Variants in ANKRD45 observed in about 807,000 individuals in gnomAD.
ANKRD45 encodes ankyrin repeat domain-containing protein 45.
In ANKRD45, 21 loss-of-function variants were observed where a neutral mutation model predicts 28.1. That is an observed-to-expected ratio of 0.75 (90% CI 0.53 to 1.08). The LOEUF (loss-of-function observed/expected upper bound fraction) is 1.08. Among genes scored for constraint, ANKRD45 ranks in the 50% least tolerant of loss-of-function variants. ANKRD45 has a pLI of 0.00. For missense variants in ANKRD45, 261 were observed against 308.7 expected, an observed-to-expected ratio of 0.85 and a Z score of 1.16; for synonymous variants, 86 against 103.9, an observed-to-expected ratio of 0.83 and a Z score of 1.05.
At chr1:173,663,310 A>C (rs1256420712) in intron 1 of ANKRD45, among the ~76,000 whole-genome samples, 1 of 152,136 alleles carries the variant, frequency 6.6e-6, no homozygotes, top group Non-Finnish European at 1.5e-5. Flanking sequence ...GTTGAAGGGC[A>C]CTCATCGCAA....
chr1:173,666,230 C>G (rs536959499), intron 1 of ANKRD45, among the ~76,000 whole-genome samples: 2 of 152,218 alleles, frequency 1.3e-5, no homozygotes, highest in Non-Finnish European at 2.9e-5. Flanking sequence ...TCCTGTTTCT[C>G]AGGCCCTCAG....
In ANKRD45 at chr1:173,646,846, C is replaced by T; in HGVS notation, c.496G>A (p.Asp166Asn). ...TECVEFLDWA[D>N]ARLTLKKYIA... ...GCTAACCCCTTGTGAGCTTCCTTAC[C>T]TGCCCAGTCCAGGAATTCAACACAC... is the stretch of plus-strand genomic sequence containing the variant. The change falls in exon 3 of 6, where the codon GAT (aspartate) becomes AAT (asparagine). Residue 166 changes from aspartate (D) to asparagine (N), a missense_variant and splice_region_variant. Physicochemically the swap from Asp to Asn is conservative, Grantham distance 23. Coordinates refer to ENST00000333279, the MANE Select transcript of ANKRD45 (RefSeq NM_198493.3). 6.2e-7 allele frequency: 1 copy of T among 1,613,502 alleles called. No homozygotes were observed. Among genetic ancestry groups the T allele is most frequent in the Non-Finnish European group, 8.5e-7 (1 of 1,179,554 alleles).
rs780836318 is a variant in ANKRD45, at chr1:173,659,241, T to C, written c.178A>G (p.Asn60Asp). 1.9e-6 allele frequency: 3 copies of C among 1,614,112 alleles called. No homozygotes were observed. The highest frequency in any genetic ancestry group is 2.5e-6 in the Non-Finnish European group (3 of 1,180,010). Residue 60 changes from asparagine (N) to aspartate (D), a missense_variant, in exon 2 of 6, where the codon AAT becomes GAT. Coordinates refer to ENST00000333279, the MANE Select transcript of ANKRD45 (RefSeq NM_198493.3). ...GLQKIFEDPE[N>D]PHHEQAMQLL... ...TGCATGGCCTGTTCATGATGAGGAT[T>C]CTCAGGATCCTCAAATATCTTCTGC... is the stretch of plus-strand genomic sequence containing the variant.
the ANKRD45 span, among the ~76,000 whole-genome samples, chr1:173,686,585 A>C: frequency 6.6e-6 from 1 of 152,172 alleles, no homozygotes; most frequent in Admixed American, 6.5e-5. Flanking sequence ...CTGTGCTAAA[A>C]GACTTAGTTT....
At chr1:173,671,996 G>A (rs1670277143), upstream of ANKRD45, among the ~76,000 whole-genome samples, 1 of 151,736 alleles carries the variant, frequency 6.6e-6, no homozygotes. Flanking sequence ...CTGCCCAAAA[G>A]CTTTTTAATA....
chr1:173,689,190 T>C, the ANKRD45 span, among the ~76,000 whole-genome samples: 20 of 152,180 alleles, frequency 1.3e-4, no homozygotes, highest in Non-Finnish European at 4.4e-5. Flanking sequence ...TCCACATCTA[T>C]AGCACCTATC....
chr1:173,670,787 G>C (rs1053132099), upstream of ANKRD45, among the ~76,000 whole-genome samples: 3 of 152,178 alleles, frequency 2.0e-5, no homozygotes, highest in African/African-American at 4.8e-5. Flanking sequence ...CGAATAGATA[G>C]AAAACATCTG....
the ANKRD45 span, among the ~76,000 whole-genome samples, chr1:173,707,046 T>C: frequency 3.9e-5 from 6 of 152,324 alleles, no homozygotes; most frequent in East Asian, 1.2e-3. Context: ...AGATTGCTCA[T>C]GATATATTCA....
At chr1:173,651,805 CT>C (rs1473869159) in intron 2 of ANKRD45, among the ~76,000 whole-genome samples, 1 of 152,118 alleles carries the variant, frequency 6.6e-6, no homozygotes, top group Non-Finnish European at 1.5e-5. Context: ...TGAAGAGGTC[CT>C]TCACATCCCT....
At chr1:173,682,684 T>TACGCGCACACACAC in the ANKRD45 span, among the ~76,000 whole-genome samples, 6 of 144,036 alleles carry the variant, frequency 4.2e-5, no homozygotes, top group East Asian at 4.0e-4. Context: ...GCCTTTTAAA[T>TACGCGCACACACAC]ACACACACAC....
chr1:173,626,765 G>A (rs965655058), intron 4 of ANKRD45, among the ~76,000 whole-genome samples: 3 of 152,096 alleles, frequency 2.0e-5, no homozygotes, highest in African/African-American at 7.2e-5. Flanking sequence ...AGTCTATGTA[G>A]TCTTTGATAA....
At chr1:173,663,391 C>A (rs1026860391) in intron 1 of ANKRD45, among the ~76,000 whole-genome samples, 1 of 152,154 alleles carries the variant, frequency 6.6e-6, no homozygotes, top group African/African-American at 2.4e-5. Flanking sequence ...GTCTGATCCT[C>A]CACAGTTCCC....
intron 2 of ANKRD45, 85 bp from the exon 3 acceptor site, chr1:173,647,098 C>T: frequency 7.5e-7 from 1 of 1,339,096 alleles, no homozygotes; most frequent in Non-Finnish European, 1.0e-6. Context: ...TAATGGTGAT[C>T]AAGTATTGAA....
chr1:173,623,980 A>G (rs1464577206), intron 5 of ANKRD45, among the ~76,000 whole-genome samples: 4 of 151,492 alleles, frequency 2.6e-5, no homozygotes, highest in Non-Finnish European at 5.9e-5. Flanking sequence ...CATCAGGAAG[A>G]ATAGCTAATG....
intron 3 of ANKRD45, among the ~76,000 whole-genome samples, chr1:173,634,535 C>T (rs746858346): frequency 1.3e-5 from 2 of 151,854 alleles, no homozygotes; most frequent in Non-Finnish European, 3.0e-5. Context: ...CCTCTCTACA[C>T]TGCCACCTAT....
chr1:173,699,498 G>A, the ANKRD45 span, among the ~76,000 whole-genome samples: 14 of 151,888 alleles, frequency 9.2e-5, no homozygotes, highest in Non-Finnish European at 1.9e-4. Flanking sequence ...TTCAACCCTG[G>A]GATGCAAGGC....
chr1:173,619,390 AC>A (rs1667604866), intron 5 of ANKRD45, among the ~76,000 whole-genome samples: 1 of 152,152 alleles, frequency 6.6e-6, no homozygotes, highest in Admixed American at 6.6e-5. Context: ...TCTTCAAGAG[AC>A]CCATCTCATG....
At chr1:173,642,731 T>A (rs867956722) in intron 3 of ANKRD45, among the ~76,000 whole-genome samples, 5 of 152,372 alleles carry the variant, frequency 3.3e-5, no homozygotes, top group Middle Eastern at 3.4e-3. Context: ...TCTCTCAGCA[T>A]TCCACAGGTT....
At chr1:173,650,760 G>A in intron 2 of ANKRD45, among the ~76,000 whole-genome samples, 1 of 152,188 alleles carries the variant, frequency 6.6e-6, no homozygotes, top group East Asian at 1.9e-4. Context: ...AGTACCTGTT[G>A]TTTCCTAACT....
Sources: allele counts gnomAD v4.1 joint callset (sites outside exome capture counted in the v4.1 genomes callset), GRCh38; gene constraint gnomAD v4.1.1; transcripts MANE v1.5; gene names NCBI Gene and HGNC (gene_info 2026-07-23, HGNC 2026-07-21).